RUNX1: variants seen among roughly 807,000 people sequenced by gnomAD.
RUNX1 encodes runt-related transcription factor 1.
RUNX1 carries 19 observed loss-of-function variants against 42.8 expected under a neutral mutation model. The observed-to-expected ratio is 0.44, with a 90% CI of 0.31 to 0.65. RUNX1 has a LOEUF of 0.65. RUNX1 is among the 30% of genes least tolerant of loss of function. The probability of loss-of-function intolerance (pLI) is 0.07; values close to 1 mark genes in which losing one functional copy is unlikely to be tolerated. For missense variants in RUNX1, 528 were observed against 672.0 expected (o/e 0.79, Z 2.37); for synonymous variants, 271 against 289.4 (o/e 0.94, Z 0.64).
chr21:34,915,010 C>T (rs531581117), intron 2 of RUNX1, among the ~76,000 whole-genome samples: 4 of 152,270 alleles, frequency 2.6e-5, no homozygotes, highest in East Asian at 3.9e-4. Context: ...CCTGGTCATT[C>T]GTGCTCAGTT....
chr21:34,942,602 A>G (rs1483233358), intron 2 of RUNX1, among the ~76,000 whole-genome samples: 1 of 152,220 alleles, frequency 6.6e-6, no homozygotes, highest in Non-Finnish European at 1.5e-5. Flanking sequence ...ATCAGACACA[A>G]AGTGAATATG....
At chr21:34,982,029 T>C (rs1455728245) in intron 2 of RUNX1, among the ~76,000 whole-genome samples, 1 of 152,218 alleles carries the variant, frequency 6.6e-6, no homozygotes, top group Non-Finnish European at 1.5e-5. Context: ...GCCAGTTCGC[T>C]GGGCACATTC....
At chr21:34,926,906 G>C (rs1038920914) in intron 2 of RUNX1, among the ~76,000 whole-genome samples, 3 of 152,134 alleles carry the variant, frequency 2.0e-5, no homozygotes, top group African/African-American at 7.2e-5. Context: ...GCAAGGAAGA[G>C]CTGCAGATAG....
At chr21:34,806,334 G>A (rs753430261) in intron 7 of RUNX1, among the ~76,000 whole-genome samples, 16 of 152,140 alleles carry the variant, frequency 1.1e-4, no homozygotes, top group Admixed American at 9.2e-4. Flanking sequence ...CCAGAGCAGC[G>A]ATGTTAATTT....
Position 34,887,400 on chromosome 21 carries a change from A to C in RUNX1, c.98-304T>G, listed in dbSNP as rs1217946919. The C allele has an allele frequency of 3.6e-6, 5 of 1,398,186 alleles. No homozygotes were observed. The South Asian group carries it at 8.0e-5, about 22-fold the overall frequency. 86.6% of individuals were successfully genotyped at this position (1,398,186 alleles called of 1,614,324 possible). ...AAAAAGTGGAGACTATCTTCCACGAATCTTGCTTGCAGAGGTTAAGTTCTG... is the reference window on the plus strand; with the variant it reads ...AAAAAGTGGAGACTATCTTCCACGACTCTTGCTTGCAGAGGTTAAGTTCTG... On this transcript the variant is annotated intron_variant, in intron 3 of 8. Coordinates refer to ENST00000675419, the MANE Select transcript of RUNX1 (RefSeq NM_001754.5).
At chr21:34,991,989 C>G (rs2058946748) in intron 2 of RUNX1, among the ~76,000 whole-genome samples, 1 of 152,178 alleles carries the variant, frequency 6.6e-6, no homozygotes, top group Non-Finnish European at 1.5e-5. Context: ...AAGGATTTCC[C>G]CCTAGAGCCT....
intron 7 of RUNX1, among the ~76,000 whole-genome samples, chr21:34,831,042 C>G (rs2057055897): frequency 6.6e-6 from 1 of 152,166 alleles, no homozygotes; most frequent in Non-Finnish European, 1.5e-5. Flanking sequence ...AAACCCATCT[C>G]TAGGTGGGAG....
At chr21:34,928,798 A>G (rs4502515) in intron 2 of RUNX1, among the ~76,000 whole-genome samples, 22,468 of 152,090 alleles carry the variant, frequency 0.15, 3,283 homozygotes, top group African/African-American at 0.38. Context: ...GTTTTTTGTT[A>G]AGCCCACAGC....
At chr21:34,995,244 C>G (rs931898140) in intron 2 of RUNX1, among the ~76,000 whole-genome samples, 2 of 152,134 alleles carry the variant, frequency 1.3e-5, no homozygotes, top group Non-Finnish European at 2.9e-5. Context: ...ACTCTCTGAC[C>G]CTTTCAGCTC....
rs539305048 is a variant in RUNX1, at chr21:34,789,287, A to G, written c.*2848T>C. 7.7e-5 allele frequency: 18 copies of G among 233,310 alleles called. No homozygotes were observed. The highest frequency in any genetic ancestry group is 4.0e-4 in the African/African-American group (18 of 45,338). 14.5% of individuals were successfully genotyped at this position (233,310 alleles called of 1,614,324 possible). On this transcript the variant is annotated 3_prime_UTR_variant, in exon 9 of 9. Coordinates refer to ENST00000675419, the MANE Select transcript of RUNX1 (RefSeq NM_001754.5). Reference sequence around the variant, plus strand: ...AACACAGGAAAAGGAGGAGGGAGAAAGTGGGGTTTGGAAGATAGAGGAAGA... The same window carrying G: ...AACACAGGAAAAGGAGGAGGGAGAAGGTGGGGTTTGGAAGATAGAGGAAGA...
intron 7 of RUNX1, among the ~76,000 whole-genome samples, chr21:34,807,346 C>T (rs2056694115): frequency 6.6e-6 from 1 of 152,116 alleles, no homozygotes; most frequent in African/African-American, 2.4e-5. Flanking sequence ...GCGGTGGCAC[C>T]CTTCATCCTG....
chr21:34,874,385 G>T (rs1216760867), intron 5 of RUNX1, among the ~76,000 whole-genome samples: 1 of 144,856 alleles, frequency 6.9e-6, no homozygotes, highest in African/African-American at 2.6e-5. Context: ...CAAGGCAGGT[G>T]GACCACCCGA....
At chr21:34,848,257 G>A (rs1488105380) in intron 6 of RUNX1, among the ~76,000 whole-genome samples, 1 of 152,186 alleles carries the variant, frequency 6.6e-6, no homozygotes, top group Admixed American at 6.5e-5. Flanking sequence ...GCCAGCTCTG[G>A]AGCTTCGCCA....
At chr21:34,940,967 C>T (rs1478601274) in intron 2 of RUNX1, among the ~76,000 whole-genome samples, 1 of 152,218 alleles carries the variant, frequency 6.6e-6, no homozygotes. Context: ...GCACAGAGAA[C>T]TAGAAATGTC....
chr21:34,943,237 G>GA (rs1795177101), intron 2 of RUNX1, among the ~76,000 whole-genome samples: 2 of 152,262 alleles, frequency 1.3e-5, no homozygotes, highest in South Asian at 4.1e-4. Context: ...ACCCTGTGTG[G>GA]AAAAATACAA....
chr21:34,792,643 G>C lies in RUNX1; in HGVS notation c.968-33C>G. On this transcript the variant is annotated intron_variant, in intron 8 of 8. Transcript: ENST00000675419. This position sits in a 1 kb window ranked among gnomAD's most constrained non-coding sequence, Gnocchi z 6.9. ...GCGGGCAAGAGAACGGAGCGGAAGT[G>C]AGTAGGAGGTTGCGGAGGCCACAGC... is the stretch of plus-strand genomic sequence containing the variant. 1 of 1,541,124 alleles carries C rather than the reference G, an allele frequency of 6.5e-7. No individual in the cohort carries two copies. Among genetic ancestry groups the C allele is most frequent in the East Asian group, 2.4e-5 (1 of 41,408 alleles).
At chr21:34,893,783 T>TTAA (rs1555901243) in intron 2 of RUNX1, among the ~76,000 whole-genome samples, 6 of 149,004 alleles carry the variant, frequency 4.0e-5, no homozygotes, top group African/African-American at 1.2e-4. Flanking sequence ...TTTTTTTTTT[T>TTAA]AAAAAAAAAC....
In RUNX1 at chr21:34,788,507, C is replaced by T. The variant is rs1463621690; in HGVS notation, c.*3628G>A. Reference sequence around the variant, plus strand: ...CAAAGTAGAAAGAAGCATTTTTTTCCCTACAGTATTTAGCAAACCTAAGAA... The same window carrying T: ...CAAAGTAGAAAGAAGCATTTTTTTCTCTACAGTATTTAGCAAACCTAAGAA... On this transcript the variant is annotated 3_prime_UTR_variant, in exon 9 of 9. Coordinates refer to ENST00000675419, the MANE Select transcript of RUNX1 (RefSeq NM_001754.5). 8.6e-6 allele frequency: 2 copies of T among 232,462 alleles called. No individual in the cohort carries two copies. The highest frequency in any genetic ancestry group is 1.7e-5 in the Non-Finnish European group (2 of 117,654). 14.4% of individuals were successfully genotyped at this position (232,462 alleles called of 1,614,324 possible). A position where few individuals can be genotyped will look rare whatever the true frequency, so the allele number is the denominator to read the frequency against.
chr21:34,791,332 A>G lies in RUNX1; in HGVS notation c.*803T>C, dbSNP rs1311686823. On this transcript the variant is annotated 3_prime_UTR_variant, in exon 9 of 9. Coordinates refer to ENST00000675419, the MANE Select transcript of RUNX1 (RefSeq NM_001754.5). ...ATAAGTACATTTAAATAATTAAAAAATTATCAACACATAAATGTCTGAACA... is the reference window on the plus strand; with the variant it reads ...ATAAGTACATTTAAATAATTAAAAAGTTATCAACACATAAATGTCTGAACA... 1 of 231,682 alleles carries G rather than the reference A, an allele frequency of 4.3e-6. No individual in the cohort carries two copies. The highest frequency in any genetic ancestry group is 6.2e-5 in the East Asian group (1 of 16,178). The allele number at this position is 231,682 out of a possible 1,614,324, so 14.4% of individuals were successfully genotyped here.
Sources: gnomAD v4.1 joint callset for allele counts (sites outside exome capture counted in the v4.1 genomes callset) on GRCh38, gnomAD v4.1.1 for gene constraint, Gnocchi (gnomAD v3.1) non-coding constraint, MANE v1.5 for transcripts, NCBI Gene and HGNC (gene_info 2026-07-23, HGNC 2026-07-21) for gene names.